LINGO2: variants seen among roughly 807,000 people sequenced by gnomAD.
LINGO2 encodes leucine rich repeat and Ig domain containing 2, also known as leucine-rich repeat and immunoglobulin-like domain-containing nogo receptor-interacting protein 2.
A neutral mutation model predicts 30.6 loss-of-function variants in LINGO2; 14 were observed. The observed-to-expected ratio is 0.46, with a 90% CI of 0.30 to 0.72. LINGO2 has a LOEUF of 0.72. LINGO2 is among the 30% of genes least tolerant of loss of function. LINGO2 has a pLI of 0.07. For missense variants in LINGO2, 729 were observed against 751.7 expected (o/e 0.97, Z 0.35); for synonymous variants, 317 against 288.5 (o/e 1.10, Z -1.00).
chr9:28,079,687 T>G (rs1027294922), intron 4 of LINGO2, among the ~76,000 whole-genome samples: 2 of 152,176 alleles, frequency 1.3e-5, no homozygotes, highest in African/African-American at 4.8e-5. Flanking sequence ...TCCTTATAAG[T>G]CTATAAATAC....
intron 3 of LINGO2, among the ~76,000 whole-genome samples, chr9:28,354,961 C>T (rs932924738): frequency 6.6e-6 from 1 of 152,024 alleles, no homozygotes; most frequent in Non-Finnish European, 1.5e-5. Context: ...AAAACTGGAG[C>T]CTTTTCAGTG....
At chr9:28,994,345 A>G in the LINGO2 span, among the ~76,000 whole-genome samples, 13 of 152,134 alleles carry the variant, frequency 8.5e-5, no homozygotes, top group Non-Finnish European at 1.8e-4. Context: ...ACAACTACAA[A>G]CCACTGCTCA....
the LINGO2 span, among the ~76,000 whole-genome samples, chr9:28,700,324 C>T: frequency 6.6e-6 from 1 of 152,042 alleles, no homozygotes; most frequent in Non-Finnish European, 1.5e-5. Context: ...CTATTGGTAA[C>T]CACCAATATT....
At chr9:29,108,238 CAA>C in the LINGO2 span, among the ~76,000 whole-genome samples, 3 of 152,054 alleles carry the variant, frequency 2.0e-5, no homozygotes, top group Admixed American at 6.5e-5. Context: ...ATAATATAAA[CAA>C]GAGATACATC....
intron 4 of LINGO2, among the ~76,000 whole-genome samples, chr9:28,028,175 T>A (rs1823476564): frequency 6.6e-6 from 1 of 152,084 alleles, no homozygotes; most frequent in African/African-American, 2.4e-5. Flanking sequence ...TTTAAGATAA[T>A]GAAGCTAAGT....
At chr9:28,469,508 A>T (rs1825438591) in intron 2 of LINGO2, among the ~76,000 whole-genome samples, 1 of 152,150 alleles carries the variant, frequency 6.6e-6, no homozygotes, top group African/African-American at 2.4e-5. Context: ...ATTCACAAGA[A>T]GAGACATTAC....
chr9:28,151,022 TA>T (rs1827984621), intron 4 of LINGO2, among the ~76,000 whole-genome samples: 1 of 152,108 alleles, frequency 6.6e-6, no homozygotes, highest in Non-Finnish European at 1.5e-5. Flanking sequence ...AAAACAAAAT[TA>T]AGGACAATTC....
chr9:28,722,999 C>A, the LINGO2 span, among the ~76,000 whole-genome samples: 1 of 152,186 alleles, frequency 6.6e-6, no homozygotes. Flanking sequence ...TGGCTGGACC[C>A]CACCTGAAAC....
chr9:28,649,034 T>C (rs1827969158), intron 1 of LINGO2, among the ~76,000 whole-genome samples: 1 of 152,136 alleles, frequency 6.6e-6, no homozygotes, highest in Non-Finnish European at 1.5e-5. Flanking sequence ...CATCTTGGCA[T>C]AAGTGTGTCC....
At chr9:29,022,807 G>A in the LINGO2 span, among the ~76,000 whole-genome samples, 2 of 152,060 alleles carry the variant, frequency 1.3e-5, no homozygotes, top group East Asian at 1.9e-4. Flanking sequence ...TGATATAACA[G>A]CACTTATCAA....
At chr9:28,570,841 G>A (rs758150073) in intron 1 of LINGO2, among the ~76,000 whole-genome samples, 1 of 151,860 alleles carries the variant, frequency 6.6e-6, no homozygotes, top group African/African-American at 2.4e-5. Context: ...TTCTCAGAAA[G>A]GTTGCATAGG....
At chr9:28,475,991 T>C (rs997108227) in exon 2 of LINGO2, 3 of 152,638 alleles carry the variant, frequency 2.0e-5, no homozygotes, top group African/African-American at 7.2e-5. Context: ...TTCGGTGCTC[T>C]GCTCTGAGCT....
intron 3 of LINGO2, among the ~76,000 whole-genome samples, chr9:28,362,518 T>G (rs1820490641): frequency 6.6e-6 from 1 of 152,090 alleles, no homozygotes; most frequent in Non-Finnish European, 1.5e-5. Context: ...TTGCCCAGGC[T>G]GGAGTGCAAT....
At chr9:29,103,163 T>A in the LINGO2 span, among the ~76,000 whole-genome samples, 3 of 152,128 alleles carry the variant, frequency 2.0e-5, no homozygotes, top group Admixed American at 2.0e-4. Context: ...CAAAAGAGAT[T>A]CTAAAGATCA....
intron 1 of LINGO2, among the ~76,000 whole-genome samples, chr9:28,628,948 G>C (rs973075253): frequency 5.3e-5 from 8 of 152,026 alleles, no homozygotes; most frequent in Admixed American, 3.9e-4. Flanking sequence ...AGCCCAAGTA[G>C]TTTACCATTC....
chr9:28,460,065 G>A (rs538842802), intron 2 of LINGO2, among the ~76,000 whole-genome samples: 105 of 151,962 alleles, frequency 6.9e-4, no homozygotes, highest in Non-Finnish European at 9.0e-4. Context: ...TCATGGTTTT[G>A]TAATTTTTCC....
the LINGO2 span, among the ~76,000 whole-genome samples, chr9:28,847,977 A>G: frequency 9.0e-6 from 1 of 111,172 alleles, no homozygotes; most frequent in East Asian, 2.7e-4. Context: ...ATATGTATAT[A>G]TGTGTATATA....
At chr9:28,589,846 C>T (rs1187801200) in intron 1 of LINGO2, among the ~76,000 whole-genome samples, 2 of 152,036 alleles carry the variant, frequency 1.3e-5, no homozygotes, top group African/African-American at 4.8e-5. Flanking sequence ...ATTGCCAAGA[C>T]AATCCTAAGC....
intron 4 of LINGO2, among the ~76,000 whole-genome samples, chr9:28,225,126 T>G (rs1428129866): frequency 1.3e-5 from 2 of 152,044 alleles, no homozygotes; most frequent in Non-Finnish European, 2.9e-5. Context: ...CAAAATAGAT[T>G]AAGGATGTGA....
Sources: gnomAD v4.1 joint callset for allele counts (sites outside exome capture counted in the v4.1 genomes callset) on GRCh38, gnomAD v4.1.1 for gene constraint, MANE v1.5 for transcripts, NCBI Gene and HGNC (gene_info 2026-07-23, HGNC 2026-07-21) for gene names.